Variants in ZBTB7C observed in about 807,000 individuals in gnomAD.
ZBTB7C encodes the protein zinc finger and BTB domain-containing protein 7C.
ZBTB7C carries 8 observed loss-of-function variants against 25.7 expected under a neutral mutation model. The ratio of observed to expected loss-of-function variants is 0.31; its 90% CI spans 0.18 to 0.56. ZBTB7C has a LOEUF of 0.56. ZBTB7C is among the 20% of genes least tolerant of loss of function. ZBTB7C has a pLI of 0.91. For synonymous variants in ZBTB7C, 394 were observed against 369.0 expected (o/e 1.07, Z -0.78); for missense variants, 824 against 855.2 (o/e 0.96, Z 0.46).
chr18:48,080,902 C>T (rs947725939), intron 3 of ZBTB7C, among the ~76,000 whole-genome samples: 9 of 152,232 alleles, frequency 5.9e-5, no homozygotes, highest in Admixed American at 2.0e-4. Flanking sequence ...GGCAAGCCCA[C>T]GTGCTTCCTG....
chr18:48,144,394 A>G lies in ZBTB7C; in HGVS notation c.-17+41540T>C, dbSNP rs573649746. Among the ~76,000 whole-genome samples the G allele has an allele frequency of 3.3e-5, 5 of 152,154 alleles. No individual in the cohort carries two copies. The East Asian group carries it at 9.7e-4, about 29-fold the overall frequency. On this transcript the variant is annotated intron_variant, in intron 3 of 4. Coordinates refer to ENST00000590800, the MANE Select transcript of ZBTB7C (RefSeq NM_001318841.2). ...GGTCTCACTTTGTCACCCAGGCTGG[A>G]GTGCAGTGGCACAAACAGGGCTCAT...
chr18:48,320,904 C>T (rs938350836), intron 2 of ZBTB7C, among the ~76,000 whole-genome samples: 16 of 152,246 alleles, frequency 1.1e-4, no homozygotes, highest in African/African-American at 3.9e-4. Flanking sequence ...CCACCCAGGG[C>T]CTGCCAGCCC....
At chr18:48,350,572 T>A (rs2046841516) in intron 1 of ZBTB7C, 1 of 152,152 alleles carries the variant, frequency 6.6e-6, no homozygotes, top group South Asian at 2.1e-4. Flanking sequence ...GTGTGGACAT[T>A]TTGGAGAGGC....
rs759958672 is a variant in ZBTB7C, at chr18:48,040,370, G to A, written c.738C>T (p.Pro246=). The change falls in exon 4 of 5, where the codon CCC becomes CCT. Residue 246 remains proline (P), a synonymous_variant. Transcript: ENST00000590800. ...YPKANIPDRR[P]SLSPFAPDFF... is the part of the protein sequence containing the mutation. ...AGTCCGGGGCGAATGGAGACAAGGA[G>A]GGTCTCCTGTCGGGGATGTTGGCCT... is the stretch of plus-strand genomic sequence containing the variant. The A allele has an allele frequency of 5.0e-6, 8 of 1,611,668 alleles. No homozygotes were observed. The East Asian group carries it at 1.8e-4, about 36-fold the overall frequency.
chr18:48,126,473 G>A (rs918994246), intron 3 of ZBTB7C, among the ~76,000 whole-genome samples: 1 of 152,178 alleles, frequency 6.6e-6, no homozygotes, highest in African/African-American at 2.4e-5. Context: ...ACTGATTGTG[G>A]ACTCCAGCCT....
intron 2 of ZBTB7C, among the ~76,000 whole-genome samples, chr18:48,230,879 C>A (rs2043233080): frequency 6.6e-6 from 1 of 152,256 alleles, no homozygotes; most frequent in South Asian, 2.1e-4. Context: ...CCTCTCCCTG[C>A]TCCTGGTGCC....
intron 1 of ZBTB7C, among the ~76,000 whole-genome samples, chr18:48,352,441 C>T (rs11663823): frequency 0.36 from 54,139 of 152,150 alleles, 10,769 homozygotes; most frequent in East Asian, 0.7. Context: ...CCCAAAGGCC[C>T]ACTGTTAGAA....
At chr18:48,406,427 G>A (rs1044575922) in intron 1 of ZBTB7C, among the ~76,000 whole-genome samples, 12 of 152,278 alleles carry the variant, frequency 7.9e-5, no homozygotes, top group African/African-American at 2.9e-4. Flanking sequence ...AGTGGGAAAA[G>A]TTATAGGAAT....
chr18:48,367,323 T>C lies in ZBTB7C; in HGVS notation c.-303-28925A>G, dbSNP rs1390516547. On this transcript the variant is annotated intron_variant, in intron 1 of 4. Coordinates refer to ENST00000590800, the MANE Select transcript of ZBTB7C (RefSeq NM_001318841.2). ...ATATATGTATAGATACATATATGTG[T>C]GTATATATATACATATATGTGTGCA... Among the ~76,000 whole-genome samples the C allele has an allele frequency of 8.4e-5, 10 of 119,388 alleles. 1 individual carries two copies. Among genetic ancestry groups the C allele is most frequent in the African/African-American group, 3.4e-4 (10 of 29,536 alleles). The allele number at this position is 119,388 out of a possible 152,430, so 78.3% of individuals were successfully genotyped here.
chr18:48,310,586 G>C (rs539027849), intron 2 of ZBTB7C, among the ~76,000 whole-genome samples: 2 of 152,124 alleles, frequency 1.3e-5, no homozygotes, highest in African/African-American at 4.8e-5. Context: ...TGAGGATGGT[G>C]AGCAGCCTTA....
intron 2 of ZBTB7C, among the ~76,000 whole-genome samples, chr18:48,287,047 G>C (rs946930140): frequency 6.6e-6 from 1 of 152,090 alleles, no homozygotes; most frequent in Non-Finnish European, 1.5e-5. Context: ...AGAAGATATA[G>C]AGCAGTTTCG....
At chr18:48,161,986 C>A (rs577793598) in intron 3 of ZBTB7C, among the ~76,000 whole-genome samples, 13 of 140,606 alleles carry the variant, frequency 9.2e-5, no homozygotes, top group Admixed American at 5.5e-4. Flanking sequence ...CCCACGGTTA[C>A]CCGGTTACCG....
intron 1 of ZBTB7C, among the ~76,000 whole-genome samples, chr18:48,391,310 TGA>T (rs2047898326): frequency 6.6e-6 from 1 of 152,208 alleles, no homozygotes; most frequent in African/African-American, 2.4e-5. Context: ...CAGAACTCCA[TGA>T]AGTTGTCAAT....
intron 3 of ZBTB7C, among the ~76,000 whole-genome samples, chr18:48,045,624 G>A (rs531736685): frequency 5.3e-5 from 8 of 152,082 alleles, no homozygotes; most frequent in South Asian, 4.1e-4. Flanking sequence ...TCGCACTTCC[G>A]GGGGTCCACA....
chr18:48,285,458 G>T (rs2045014584), intron 2 of ZBTB7C, among the ~76,000 whole-genome samples: 1 of 152,058 alleles, frequency 6.6e-6, no homozygotes, highest in East Asian at 1.9e-4. Flanking sequence ...CTTTGTTTTG[G>T]TATCTGTATA....
chr18:48,145,439 C>T (rs2040469329), intron 3 of ZBTB7C, among the ~76,000 whole-genome samples: 1 of 152,208 alleles, frequency 6.6e-6, no homozygotes, highest in African/African-American at 2.4e-5. Flanking sequence ...TAGACCCCTG[C>T]CCTGATTGCG....
intron 2 of ZBTB7C, among the ~76,000 whole-genome samples, chr18:48,219,606 A>G (rs966349556): frequency 2.6e-5 from 4 of 152,338 alleles, no homozygotes; most frequent in African/African-American, 9.6e-5. Flanking sequence ...TCAGGCATTG[A>G]CAACCCACAG....
chr18:48,184,819 TTCTCTCTC>T (rs34659373), intron 3 of ZBTB7C, among the ~76,000 whole-genome samples: 12 of 147,822 alleles, frequency 8.1e-5, no homozygotes, highest in African/African-American at 2.0e-4. Context: ...GTGGAGAATT[TTCTCTCTC>T]TCTCTCTCTC....
intron 2 of ZBTB7C, among the ~76,000 whole-genome samples, chr18:48,337,529 A>G (rs893652219): frequency 3.9e-5 from 6 of 152,216 alleles, no homozygotes; most frequent in Non-Finnish European, 5.9e-5. Context: ...CCCTGAATCA[A>G]CTGCTAGACC....
Sources: allele counts gnomAD v4.1 joint callset (sites outside exome capture counted in the v4.1 genomes callset), GRCh38; gene constraint gnomAD v4.1.1; transcripts MANE v1.5; gene names NCBI Gene and HGNC (gene_info 2026-07-23, HGNC 2026-07-21).